FAT3: variants seen among roughly 807,000 people sequenced by gnomAD.
FAT3 encodes FAT atypical cadherin 3, also known as protocadherin Fat 3.
A neutral mutation model predicts 310.2 loss-of-function variants in FAT3; 95 were observed. The observed-to-expected ratio is 0.31, with a 90% CI of 0.26 to 0.36. FAT3 has a LOEUF of 0.36. Among genes scored for constraint, FAT3 ranks in the 10% least tolerant of loss-of-function variants. The pLI, the probability that FAT3 is intolerant of heterozygous loss-of-function variation, is 1.00. For synonymous variants in FAT3, 2,314 were observed against 2,192.9 expected (o/e 1.06, Z -1.54); for missense variants, 5,408 against 5,715.6 (o/e 0.95, Z 1.74).
chr11:92,229,549 C>T (rs112855622), intron 1 of FAT3, among the ~76,000 whole-genome samples: 15 of 84,950 alleles, frequency 1.8e-4, no homozygotes, highest in African/African-American at 5.5e-4. Context: ...CTCCAAATTT[C>T]TAAGAATAAT....
intron 3 of FAT3, among the ~76,000 whole-genome samples, chr11:92,666,811 A>G (rs2135810978): frequency 1.3e-5 from 2 of 152,280 alleles, no homozygotes; most frequent in South Asian, 4.1e-4. Flanking sequence ...GCCGCAAGAC[A>G]GTAGAAGGGG....
intron 1 of FAT3, among the ~76,000 whole-genome samples, chr11:92,267,183 T>C (rs1267433414): frequency 6.6e-6 from 1 of 152,178 alleles, no homozygotes; most frequent in African/African-American, 2.4e-5. Flanking sequence ...TCATGTTCTT[T>C]ATTATTCAAG....
At chr11:92,590,033 C>T (rs1939348903) in intron 3 of FAT3, among the ~76,000 whole-genome samples, 1 of 152,038 alleles carries the variant, frequency 6.6e-6, no homozygotes, top group Non-Finnish European at 1.5e-5. Flanking sequence ...CACCTTTTTC[C>T]TCACTGTATT....
chr11:92,865,137 A>C (rs7928850), intron 21 of FAT3, among the ~76,000 whole-genome samples: 126,082 of 152,166 alleles, frequency 0.83, 52,513 homozygotes, highest in South Asian at 0.9. Context: ...AAGCCCCCTG[A>C]CTTCTAGATA....
chr11:92,530,730 TA>T (rs1376672841), intron 3 of FAT3, among the ~76,000 whole-genome samples: 6 of 152,234 alleles, frequency 3.9e-5, no homozygotes, highest in Non-Finnish European at 1.5e-5. Flanking sequence ...TATATGATTA[TA>T]AAAAAGTGTT....
chr11:92,715,113 A>G (rs1341309394), intron 4 of FAT3, among the ~76,000 whole-genome samples: 1 of 152,058 alleles, frequency 6.6e-6, no homozygotes, highest in Non-Finnish European at 1.5e-5. Flanking sequence ...TGGGAATATT[A>G]AAATTAAATT....
intron 5 of FAT3, 75 bp from the exon 6 acceptor site, chr11:92,764,804 A>G: frequency 7.2e-7 from 1 of 1,390,400 alleles, no homozygotes; most frequent in South Asian, 1.3e-5. Flanking sequence ...TGGCCCAGCA[A>G]CATGAGTGAC....
In FAT3 at chr11:92,839,221, G is replaced by T. The variant is rs184489138; in HGVS notation, c.10369-1341G>T. Reference sequence around the variant, plus strand: ...AAGCACGGAGAGGCTCAGCCCATGAGTGATGGTGGGGCCCCTATCCGCAGG... The same window carrying T: ...AAGCACGGAGAGGCTCAGCCCATGATTGATGGTGGGGCCCCTATCCGCAGG... On this transcript the variant is annotated intron_variant, in intron 17 of 27. Coordinates refer to ENST00000525166, the MANE Select transcript of FAT3 (RefSeq NM_001367949.2). Among the ~76,000 whole-genome samples the T allele has an allele frequency of 1.6e-3, 246 of 152,340 alleles. 1 individual carries two copies. Among genetic ancestry groups the T allele is most frequent in the African/African-American group, 5.7e-3 (238 of 41,582 alleles).
At chr11:92,594,783 C>T (rs1939617714) in intron 3 of FAT3, among the ~76,000 whole-genome samples, 1 of 152,066 alleles carries the variant, frequency 6.6e-6, no homozygotes. Context: ...ATCCAGCACC[C>T]ACCCCCATTT....
At position 92,565,770 on chromosome 11, in the gene FAT3, G is replaced by A. The variant is rs1955412935; in HGVS notation, c.3607+40822G>A. On this transcript the variant is annotated intron_variant, in intron 3 of 27. Transcript: ENST00000525166. ...ATAAATGTAATCCAGCATATAAACA[G>A]AGCCAAAGACAAAAACCACATGATA... is the stretch of plus-strand genomic sequence containing the variant. Among the ~76,000 whole-genome samples the A allele has an allele frequency of 2.0e-5, 3 of 152,144 alleles. No individual in the cohort carries two copies. In the South Asian group the frequency reaches 6.2e-4, roughly 32 times the overall value.
At chr11:92,521,964 A>G (rs1187990589) in intron 2 of FAT3, among the ~76,000 whole-genome samples, 1 of 152,020 alleles carries the variant, frequency 6.6e-6, no homozygotes, top group African/African-American at 2.4e-5. Context: ...CTTAATAAAG[A>G]TCTGTGTTCT....
At chr11:92,750,424 G>A (rs1417197176) in intron 4 of FAT3, among the ~76,000 whole-genome samples, 1 of 152,176 alleles carries the variant, frequency 6.6e-6, no homozygotes, top group African/African-American at 2.4e-5. Context: ...GCTTTTATTT[G>A]TGATTCTAGA....
At chr11:92,581,793 C>CAGGCCAGG (rs1390824227) in intron 3 of FAT3, among the ~76,000 whole-genome samples, 1 of 151,882 alleles carries the variant, frequency 6.6e-6, no homozygotes, top group East Asian at 1.9e-4. Flanking sequence ...AAATGCTGTA[C>CAGGCCAGG]ATAAATTATT....
At chr11:92,345,769 G>A (rs975137628) in intron 1 of FAT3, among the ~76,000 whole-genome samples, 4 of 152,180 alleles carry the variant, frequency 2.6e-5, no homozygotes, top group African/African-American at 4.8e-5. Context: ...CAAATTCACA[G>A]TGGAGATCTC....
intron 3 of FAT3, among the ~76,000 whole-genome samples, chr11:92,674,780 C>T (rs1449278596): frequency 6.6e-6 from 1 of 152,108 alleles, no homozygotes. Flanking sequence ...CTTCCCACTT[C>T]GGCCTCCCAA....
At chr11:92,879,870 T>G (rs528475352) in intron 22 of FAT3, among the ~76,000 whole-genome samples, 2 of 152,254 alleles carry the variant, frequency 1.3e-5, no homozygotes, top group African/African-American at 4.8e-5. Context: ...GAGAGAAGAC[T>G]GCTAGTGGAC....
At chr11:92,295,652 T>C (rs1287232059) in intron 1 of FAT3, among the ~76,000 whole-genome samples, 1 of 152,098 alleles carries the variant, frequency 6.6e-6, no homozygotes, top group Non-Finnish European at 1.5e-5. Context: ...TAAGTTACAG[T>C]TGGGAAATTG....
chr11:92,483,283 T>C (rs1952284681), intron 2 of FAT3, among the ~76,000 whole-genome samples: 1 of 152,154 alleles, frequency 6.6e-6, no homozygotes, highest in South Asian at 2.1e-4. Flanking sequence ...CTTTCTGTAC[T>C]TCACCTATCA....
intron 2 of FAT3, among the ~76,000 whole-genome samples, chr11:92,411,799 C>G (rs1483117689): frequency 1.3e-5 from 2 of 151,262 alleles, no homozygotes; most frequent in African/African-American, 4.9e-5. Context: ...CCTGTTTCCT[C>G]TGTTTGCATT....
Sources: gnomAD v4.1 joint callset for allele counts (sites outside exome capture counted in the v4.1 genomes callset) on GRCh38, gnomAD v4.1.1 for gene constraint, MANE v1.5 for transcripts, NCBI Gene and HGNC (gene_info 2026-07-23, HGNC 2026-07-21) for gene names.